The following MACC1 variants were observed in gnomAD, a reference collection of about 807,000 sequenced individuals.
MACC1 encodes metastasis-associated in colon cancer protein 1.
Under a neutral mutation model 70.7 loss-of-function variants are expected in MACC1, and 79 were observed. That is an observed-to-expected ratio of 1.12 (90% CI 0.93 to 1.35). The LOEUF (loss-of-function observed/expected upper bound fraction) is 1.35. Ranked by LOEUF, MACC1 falls within the 40% of genes most tolerant of loss-of-function variation. The pLI is 0.00. For synonymous variants in MACC1, 361 were observed against 347.2 expected, an observed-to-expected ratio of 1.04 and a Z score of -0.44; for missense variants, 1,106 against 978.1, an observed-to-expected ratio of 1.13 and a Z score of -1.74.
intron 1 of MACC1, among the ~76,000 whole-genome samples, chr7:20,177,516 A>AT (rs1255349225): frequency 2.6e-5 from 4 of 151,714 alleles, no homozygotes; most frequent in East Asian, 1.9e-4. Flanking sequence ...TTTTCTTAGG[A>AT]TTTTTTCTTT....
chr7:20,175,893 A>G (rs1269157824), intron 1 of MACC1, among the ~76,000 whole-genome samples: 2 of 152,146 alleles, frequency 1.3e-5, no homozygotes, highest in African/African-American at 4.8e-5. Flanking sequence ...AGCTGGAACA[A>G]TAATAAAAAT....
chr7:20,140,892 C>T lies in MACC1; in HGVS notation c.*54G>A, dbSNP rs542159921. On this transcript the variant is annotated 3_prime_UTR_variant, in exon 7 of 7. Transcript: ENST00000400331. ...ACACACAGACACACACAGACACACA[C>T]ACACACACACCATTACCTCATTTTC... 7 of 1,388,742 alleles carry T rather than the reference C, an allele frequency of 5.0e-6. No homozygotes were observed. In the African/African-American group the frequency reaches 8.5e-5, roughly 17 times the overall value. The allele number at this position is 1,388,742 out of a possible 1,614,324, so 86.0% of individuals were successfully genotyped here.
intron 1 of MACC1, among the ~76,000 whole-genome samples, chr7:20,193,865 C>A (rs1317988961): frequency 6.6e-6 from 1 of 151,400 alleles, no homozygotes; most frequent in Non-Finnish European, 1.5e-5. Context: ...TGTTCTCCAA[C>A]CCCGGCTCTG....
At chr7:20,157,100 G>T (rs2128102359) in intron 5 of MACC1, among the ~76,000 whole-genome samples, 2 of 152,288 alleles carry the variant, frequency 1.3e-5, no homozygotes, top group South Asian at 4.1e-4. Context: ...TGGGCAAATT[G>T]TCTAACTTTT....
rs768500596 is a variant in MACC1, at chr7:20,161,751, T to C, written c.112A>G (p.Thr38Ala). The C allele has an allele frequency of 3.1e-6, 5 of 1,596,964 alleles. No homozygotes were observed. The highest frequency in any genetic ancestry group is 4.3e-6 in the Non-Finnish European group (5 of 1,165,004). ...AGKLSKSCNITECQDPDLLHN... is the reference protein window; with the variant it reads ...AGKLSKSCNIAECQDPDLLHN... ...CAACAGTTATAAATTCCCATACCTG[T>C]AATATTGCAACTTTTTGAGAGTTTT... The change falls in exon 4 of 7, where the codon ACA becomes GCA. Residue 38 changes from threonine to alanine, a missense_variant. By Grantham distance (58) the Thr-to-Ala change is moderately conservative (BLOSUM62 0). Transcript: ENST00000400331.
chr7:20,162,597 C>T (rs1441995367), intron 3 of MACC1, among the ~76,000 whole-genome samples: 2 of 151,980 alleles, frequency 1.3e-5, no homozygotes, highest in Non-Finnish European at 2.9e-5. Flanking sequence ...ATATGAAGGA[C>T]ACAGAATAGA....
chr7:20,176,792 A>G (rs1346804885), intron 1 of MACC1, among the ~76,000 whole-genome samples: 3 of 152,178 alleles, frequency 2.0e-5, no homozygotes, highest in Non-Finnish European at 2.9e-5. Context: ...GATACATCTC[A>G]GGCATTATGC....
At chr7:20,178,858 C>T (rs1234169992) in intron 1 of MACC1, among the ~76,000 whole-genome samples, 3 of 152,170 alleles carry the variant, frequency 2.0e-5, no homozygotes, top group African/African-American at 7.2e-5. Context: ...TCTTGGCCTC[C>T]CAAAGTGTTG....
chr7:20,198,543 G>A (rs1381173555), intron 1 of MACC1: 1 of 152,198 alleles, frequency 6.6e-6, no homozygotes, highest in African/African-American at 2.4e-5. Flanking sequence ...TAAACATTTT[G>A]TCCAGGCTCC....
At chr7:20,185,752 G>C (rs536543507) in intron 1 of MACC1, among the ~76,000 whole-genome samples, 5 of 152,160 alleles carry the variant, frequency 3.3e-5, no homozygotes, top group Admixed American at 6.5e-5. Context: ...GCAATTACTG[G>C]TCATGCTTTG....
rs1385801111 is a variant in MACC1, at chr7:20,139,041, A to G, written c.*1905T>C. On this transcript the variant is annotated 3_prime_UTR_variant, in exon 7 of 7. Coordinates refer to ENST00000400331, the MANE Select transcript of MACC1 (RefSeq NM_182762.4). ...CCAAATATCCCAGGGTGGGTATATT[A>G]AAAGCCCTAAAAAGATTCTGCTTTT... is the stretch of plus-strand genomic sequence containing the variant. 1.3e-5 allele frequency: 2 copies of G among 152,188 alleles called. No individual in the cohort carries two copies. Among genetic ancestry groups the G allele is most frequent in the Non-Finnish European group, 2.9e-5 (2 of 68,016 alleles). The allele number at this position is 152,188 out of a possible 1,614,324, so 9.4% of individuals were successfully genotyped here. A position where few individuals can be genotyped will look rare whatever the true frequency, so the allele number is the denominator to read the frequency against.
At chr7:20,170,593 T>C (rs1782289317) in intron 2 of MACC1, 121 bp downstream of exon 2, 1 of 152,256 alleles carries the variant, frequency 6.6e-6, no homozygotes, top group African/African-American at 2.4e-5. Context: ...TTAGTACTTT[T>C]GCAGTAAAAG....
In MACC1 at chr7:20,179,543, T is replaced by C. The variant is rs189469462; in HGVS notation, c.-217-8765A>G. On this transcript the variant is annotated intron_variant, in intron 1 of 6. Coordinates refer to ENST00000400331, the MANE Select transcript of MACC1 (RefSeq NM_182762.4). ...GCTTCTGTCCCATGATGGTATTCGA[T>C]ATATTGCAGATCCATGCAAAAAGCC... 3.2e-3 allele frequency among the ~76,000 whole-genome samples: 488 copies of C among 152,334 alleles called. 1 individual carries two copies. The highest frequency in any genetic ancestry group is 0.01 in the Middle Eastern group (3 of 294).
At chr7:20,197,445 A>G (rs778665517) in intron 1 of MACC1, among the ~76,000 whole-genome samples, 20 of 152,230 alleles carry the variant, frequency 1.3e-4, no homozygotes, top group Non-Finnish European at 2.5e-4. Context: ...AACTTAGCCA[A>G]GATAACAATT....
rs1781721490 is a variant in MACC1 at position 20,136,684 on chromosome 7, C to T, written c.*4262G>A. 1 of 151,984 alleles carries T rather than the reference C, an allele frequency of 6.6e-6. No homozygotes were observed. Among genetic ancestry groups the T allele is most frequent in the South Asian group, 2.1e-4 (1 of 4,816 alleles). 9.4% of individuals were successfully genotyped at this position (151,984 alleles called of 1,614,324 possible). On this transcript the variant is annotated 3_prime_UTR_variant, in exon 7 of 7. Coordinates refer to ENST00000400331, the MANE Select transcript of MACC1 (RefSeq NM_182762.4). ...AATGTCTTTGGATTATCCCACCAAT[C>T]ATATTGATGTTCTTTAGAACTTCAC... is the stretch of plus-strand genomic sequence containing the variant.
intron 1 of MACC1, 69 bp from the exon 2 acceptor site, chr7:20,170,847 C>T (rs575620535): frequency 2.6e-5 from 4 of 152,298 alleles, no homozygotes; most frequent in East Asian, 1.9e-4. Flanking sequence ...TATGCACTAA[C>T]GTTTGCTATG....
Position 20,141,060 on chromosome 7 carries a change from G to C in MACC1, c.2445C>G (p.Asp815Glu), listed in dbSNP as rs1247876473. 1.2e-6 allele frequency: 2 copies of C among 1,613,626 alleles called. No individual in the cohort carries two copies. Among genetic ancestry groups the C allele is most frequent in the Non-Finnish European group, 1.7e-6 (2 of 1,179,808 alleles). ...DVLQDLQSAL[D>E]RMKNPVTKHW... ...GTTTAGTCACAGGGTTTTTCATTCTGTCCAAAGCTGACTGAAGGTCTTGTA... is the reference window on the plus strand; with the variant it reads ...GTTTAGTCACAGGGTTTTTCATTCTCTCCAAAGCTGACTGAAGGTCTTGTA... The change falls in exon 7 of 7, where the codon GAC (aspartate) becomes GAG (glutamate). Residue 815 changes from aspartate to glutamate, a missense_variant. Coordinates refer to ENST00000400331, the MANE Select transcript of MACC1 (RefSeq NM_182762.4).
At chr7:20,148,710 T>G (rs988596621) in intron 6 of MACC1, among the ~76,000 whole-genome samples, 7 of 152,192 alleles carry the variant, frequency 4.6e-5, no homozygotes, top group African/African-American at 1.7e-4. Context: ...TGGAGTATCT[T>G]TTTGAAATTA....
At chr7:20,208,616 AT>A (rs376848721) in intron 1 of MACC1, among the ~76,000 whole-genome samples, 290 of 152,368 alleles carry the variant, frequency 1.9e-3, no homozygotes, top group African/African-American at 5.9e-3. Flanking sequence ...AAAGCAACGC[AT>A]AAAAGTTTGG....
Sources: allele counts gnomAD v4.1 joint callset (sites outside exome capture counted in the v4.1 genomes callset), GRCh38; gene constraint gnomAD v4.1.1; transcripts MANE v1.5; gene names NCBI Gene and HGNC (gene_info 2026-07-23, HGNC 2026-07-21).